The following CDC5L variants were observed in gnomAD, a reference collection of about 807,000 sequenced individuals.
CDC5L encodes the protein cell division cycle 5-like protein.
CDC5L carries 18 observed loss-of-function variants against 104.1 expected under a neutral mutation model. That is an observed-to-expected ratio of 0.17 (90% confidence interval 0.12 to 0.26). The LOEUF (loss-of-function observed/expected upper bound fraction) is 0.26, where lower values mean the gene tolerates loss of function less well. CDC5L is among the 10% of genes least tolerant of loss of function. The pLI is 1.00. For missense variants in CDC5L, 673 were observed against 956.9 expected, an observed-to-expected ratio of 0.70 and a Z score of 3.91; for synonymous variants, 331 against 322.7, an observed-to-expected ratio of 1.03 and a Z score of -0.28.
intron 11 of CDC5L, among the ~76,000 whole-genome samples, chr6:44,425,048 A>C (rs1363969889): frequency 6.6e-6 from 1 of 152,150 alleles, no homozygotes; most frequent in Non-Finnish European, 1.5e-5. Flanking sequence ...ACCTCTATCT[A>C]AACTGGAGTT....
intron 9 of CDC5L, among the ~76,000 whole-genome samples, chr6:44,422,071 A>G (rs1413406043): frequency 6.6e-6 from 1 of 152,252 alleles, no homozygotes; most frequent in African/African-American, 2.4e-5. Context: ...GGTTGCTGCA[A>G]AATCTGTGGA....
intron 9 of CDC5L, among the ~76,000 whole-genome samples, chr6:44,419,977 G>A (rs924386570): frequency 1.3e-5 from 2 of 152,070 alleles, no homozygotes; most frequent in South Asian, 2.1e-4. Context: ...ATCCTATCAC[G>A]TTATTTTTGA....
chr6:44,389,988 A>C (rs920568720), intron 1 of CDC5L, among the ~76,000 whole-genome samples: 23 of 152,342 alleles, frequency 1.5e-4, no homozygotes, highest in African/African-American at 5.5e-4. Context: ...GTCATAAAGT[A>C]GGGTTTCTCA....
chr6:44,403,949 C>T lies in CDC5L; in HGVS notation c.680C>T (p.Thr227Ile), dbSNP rs776097166. ...EKKPALGFYD[T>I]SEENYQALDA... ...AAGCCTGCCCTTGGTTTTTATGATA[C>T]TTCTGAGGAAAACTACCAAGCTCTT... Residue 227 changes from threonine (T) to isoleucine (I), a missense_variant, in exon 6 of 16, where the codon ACT (threonine) becomes ATT (isoleucine). Around this residue, in one of 4 missense-constraint regions of CDC5L, gnomAD observed 578 missense variants for 737.0 expected, o/e 0.78. Coordinates refer to ENST00000371477, the MANE Select transcript of CDC5L (RefSeq NM_001253.4). The T allele has an allele frequency of 1.9e-6, 3 of 1,613,640 alleles. No individual in the cohort carries two copies. In the East Asian group the frequency reaches 6.7e-5, roughly 36 times the overall value.
chr6:44,430,336 A>G (rs1792620615), intron 14 of CDC5L, among the ~76,000 whole-genome samples: 1 of 151,012 alleles, frequency 6.6e-6, no homozygotes, highest in Non-Finnish European at 1.5e-5. Flanking sequence ...ACTTAAATAC[A>G]ATTCTGTTCA....
At chr6:44,396,513 C>G in intron 5 of CDC5L, 73 bp downstream of exon 5, 2 of 932,496 alleles carry the variant, frequency 2.1e-6, no homozygotes, top group Non-Finnish European at 3.3e-6. Flanking sequence ...ACTTCTGTGA[C>G]CAGATATGTG....
In CDC5L at chr6:44,390,707, T is replaced by G. The variant is rs9369481; in HGVS notation, c.149+336T>G. Among the ~76,000 whole-genome samples, 16,143 of 152,182 alleles carry G rather than the reference T, an allele frequency of 0.11. 1,590 individuals carry two copies. The highest frequency in any genetic ancestry group is 0.55 in the East Asian group (2,835 of 5,162). On this transcript the variant is annotated intron_variant, in intron 2 of 15. Coordinates refer to ENST00000371477, the MANE Select transcript of CDC5L (RefSeq NM_001253.4). ...TACAAAGTCTACTTTCAGGGACAGA[T>G]GAGCCCCAGCTTGTAAATTAATTGT... is the stretch of plus-strand genomic sequence containing the variant.
chr6:44,423,711 G>C (rs1336933327), intron 10 of CDC5L, among the ~76,000 whole-genome samples: 1 of 152,108 alleles, frequency 6.6e-6, no homozygotes, highest in Non-Finnish European at 1.5e-5. Flanking sequence ...GGAAAACTCT[G>C]GGTACCAGGA....
chr6:44,415,045 G>A (rs558021547), intron 8 of CDC5L, among the ~76,000 whole-genome samples: 7 of 151,980 alleles, frequency 4.6e-5, no homozygotes, highest in African/African-American at 1.2e-4. Flanking sequence ...TTCTTTTCCC[G>A]TTGTATGTTC....
At chr6:44,409,821 C>G (rs938897734) in intron 8 of CDC5L, among the ~76,000 whole-genome samples, 2 of 152,092 alleles carry the variant, frequency 1.3e-5, no homozygotes, top group African/African-American at 4.8e-5. Context: ...CCCTTGGATC[C>G]CCTCTTTCCA....
At chr6:44,394,408 T>C (rs550350970) in intron 4 of CDC5L, among the ~76,000 whole-genome samples, 3 of 152,336 alleles carry the variant, frequency 2.0e-5, no homozygotes, top group East Asian at 1.9e-4. Flanking sequence ...TAATTACTTA[T>C]TTGACTATAG....
intron 14 of CDC5L, among the ~76,000 whole-genome samples, chr6:44,431,418 A>G (rs1792678755): frequency 6.6e-6 from 1 of 152,228 alleles, no homozygotes; most frequent in African/African-American, 2.4e-5. Flanking sequence ...TTCATTTCTT[A>G]TAAATGGTAG....
intron 8 of CDC5L, 33 bp downstream of exon 8, chr6:44,408,665 CTTTG>C: frequency 2.0e-6 from 3 of 1,494,540 alleles, no homozygotes; most frequent in South Asian, 2.5e-5. Flanking sequence ...GAGGCTTTTA[CTTTG>C]TTTATTGTCC....
In CDC5L at chr6:44,403,993, T is replaced by C; in HGVS notation, c.724T>C (p.Leu242=). The change falls in exon 6 of 16, where the codon TTA becomes CTA. Residue 242 remains leucine (L), a synonymous_variant. Transcript: ENST00000371477. ...AGCTCTTGACGCAGATTTCAGGAAA[T>C]TAAGACAACAGGATCTTGATGGGGA... ...YQALDADFRK[L]RQQDLDGELR... is the part of the protein sequence containing the mutation. The C allele has an allele frequency of 3.1e-6, 5 of 1,612,002 alleles. No homozygotes were observed. Among genetic ancestry groups the C allele is most frequent in the Non-Finnish European group, 4.2e-6 (5 of 1,179,580 alleles).
In CDC5L at chr6:44,387,939, T is replaced by TCG. The variant is rs552275589; in HGVS notation, c.45+72_45+73dup. 496 of 1,457,764 alleles carry TCG rather than the reference T, an allele frequency of 3.4e-4. 2 individuals are homozygous for TCG. The highest frequency in any genetic ancestry group is 2.5e-3 in the South Asian group (198 of 79,642). The allele number at this position is 1,457,764 out of a possible 1,614,324, so 90.3% of individuals were successfully genotyped here. A position where few individuals can be genotyped will look rare whatever the true frequency, so the allele number is the denominator to read the frequency against. Reference sequence around the variant, plus strand: ...CAGCTTGTGCGCACGCGCGCGGAGGTCGGGGGGGCGACGAGGAGACCCTGT... The same window carrying TCG: ...CAGCTTGTGCGCACGCGCGCGGAGGTCGCGGGGGGGCGACGAGGAGACCCTGT... On this transcript the variant is annotated intron_variant, in intron 1 of 15. Transcript: ENST00000371477.
Position 44,449,337 on chromosome 6 carries a change from C to G in CDC5L, c.*2626C>G, listed in dbSNP as rs749603333. Reference sequence around the variant, plus strand: ...CCCAGGATTCTTTACCAGCACCATACAGCGATTTTGGTGACTATTTTAACA... The same window carrying G: ...CCCAGGATTCTTTACCAGCACCATAGAGCGATTTTGGTGACTATTTTAACA... On this transcript the variant is annotated 3_prime_UTR_variant, in exon 16 of 16. Transcript: ENST00000371477. 1.3e-5 allele frequency: 2 copies of G among 152,138 alleles called. No homozygotes were observed. The highest frequency in any genetic ancestry group is 2.4e-5 in the African/African-American group (1 of 41,432). 9.4% of individuals were successfully genotyped at this position (152,138 alleles called of 1,614,324 possible).
chr6:44,389,466 C>T (rs2153373010), intron 1 of CDC5L, among the ~76,000 whole-genome samples: 1 of 152,160 alleles, frequency 6.6e-6, no homozygotes, highest in East Asian at 1.9e-4. Context: ...GAAGTAAAAT[C>T]GCCTAAGTGC....
intron 6 of CDC5L, among the ~76,000 whole-genome samples, chr6:44,404,579 A>G (rs1164249529): frequency 6.6e-6 from 1 of 152,198 alleles, no homozygotes; most frequent in African/African-American, 2.4e-5. Context: ...CATGGCTCTC[A>G]ATTGACTGTT....
chr6:44,436,635 A>G (rs1792952585), intron 14 of CDC5L, among the ~76,000 whole-genome samples: 1 of 152,214 alleles, frequency 6.6e-6, no homozygotes, highest in South Asian at 2.1e-4. Flanking sequence ...ACCCCAGAGT[A>G]TACTGGTATA....
Sources: allele counts gnomAD v4.1 joint callset (sites outside exome capture counted in the v4.1 genomes callset), GRCh38; gene constraint gnomAD v4.1.1; regional missense constraint gnomAD v4.1.1; transcripts MANE v1.5; gene names NCBI Gene and HGNC (gene_info 2026-07-23, HGNC 2026-07-21).